The following FBXW2 variants were observed in gnomAD, a reference collection of about 807,000 sequenced individuals.
FBXW2 encodes the protein F-box/WD repeat-containing protein 2.
A neutral mutation model predicts 46.0 loss-of-function variants in FBXW2; 12 were observed. The observed-to-expected ratio is 0.26, with a 90% CI of 0.17 to 0.42. The LOEUF is 0.42. Among genes scored for constraint, FBXW2 ranks in the 10% least tolerant of loss-of-function variants. FBXW2 has a pLI of 1.00. For synonymous variants in FBXW2, 203 were observed against 209.6 expected, an observed-to-expected ratio of 0.97 and a Z score of 0.27; for missense variants, 360 against 537.0, an observed-to-expected ratio of 0.67 and a Z score of 3.26.
chr9:120,789,252 A>T (rs1321928326), intron 2 of FBXW2, among the ~76,000 whole-genome samples: 1 of 152,230 alleles, frequency 6.6e-6, no homozygotes, highest in Non-Finnish European at 1.5e-5. Flanking sequence ...CTCTAAAATA[A>T]GTGACAACCA....
chr9:120,758,300 G>C lies in FBXW2; in HGVS notation c.*6259C>G, dbSNP rs772899293. 1.3e-5 allele frequency: 2 copies of C among 152,146 alleles called. No individual in the cohort carries two copies. The highest frequency in any genetic ancestry group is 2.9e-5 in the Non-Finnish European group (2 of 68,030). 9.4% of individuals were successfully genotyped at this position (152,146 alleles called of 1,614,324 possible). A position where few individuals can be genotyped will look rare whatever the true frequency, so the allele number is the denominator to read the frequency against. ...GAAAGGAACATCAAGAACTTTCCAC[G>C]AGGATGGGAGATTAACACCCAAAGC... On this transcript the variant is annotated 3_prime_UTR_variant, in exon 8 of 8. Transcript: ENST00000608872.
rs904384934 is a variant in FBXW2, at chr9:120,761,071, C to A, written c.*3488G>T. The stretch of plus-strand genomic sequence containing the variant: ...CAATTGCATGCACCTTCCTGCAGAA[C>A]TTCTTCCAAGTCCAGTCCTTCCACT... On this transcript the variant is annotated 3_prime_UTR_variant, in exon 8 of 8. Coordinates refer to ENST00000608872, the MANE Select transcript of FBXW2 (RefSeq NM_012164.4). The A allele has an allele frequency of 6.6e-6, 1 of 152,234 alleles. No homozygotes were observed. The highest frequency in any genetic ancestry group is 2.4e-5 in the African/African-American group (1 of 41,464). 9.4% of individuals were successfully genotyped at this position (152,234 alleles called of 1,614,324 possible).
chr9:120,788,229 A>T lies in FBXW2; in HGVS notation c.30T>A (p.Leu10=), dbSNP rs1379791084. Reference sequence around the variant, plus strand: ...AAAGAAATGTAACAGAAATGTTATCAAGCCATGTCTCAAAGTCCTTTCTCT... The same window carrying T: ...AAAGAAATGTAACAGAAATGTTATCTAGCCATGTCTCAAAGTCCTTTCTCT... The part of the protein sequence containing the change: MERKDFETW[L]DNISVTFLSL... Residue 10 remains leucine, a synonymous_variant, in exon 3 of 8, where the codon CTT becomes CTA. Coordinates refer to ENST00000608872, the MANE Select transcript of FBXW2 (RefSeq NM_012164.4). 1 of 1,613,936 alleles carries T rather than the reference A, an allele frequency of 6.2e-7. No homozygotes were observed. Among genetic ancestry groups the T allele is most frequent in the Non-Finnish European group, 8.5e-7 (1 of 1,180,044 alleles).
rs1454871765 is a variant in FBXW2, at chr9:120,778,376, C to T, written c.660G>A (p.Gln220=). 2 of 1,612,630 alleles carry T rather than the reference C, an allele frequency of 1.2e-6. No homozygotes were observed. Among genetic ancestry groups the T allele is most frequent in the African/African-American group, 2.7e-5 (2 of 74,884 alleles). Residue 220 remains glutamine, a synonymous_variant, in exon 4 of 8, where the codon CAG becomes CAA. Coordinates refer to ENST00000608872, the MANE Select transcript of FBXW2 (RefSeq NM_012164.4). ...CCGCCCCCGTGTGCCCCCGAAAGTGCTGGGTCCTGGCTCCGGAACTCCATT... is the reference window on the plus strand; with the variant it reads ...CCGCCCCCGTGTGCCCCCGAAAGTGTTGGGTCCTGGCTCCGGAACTCCATT... ...CWEWSSGART[Q]HFRGHTGAVF... is the part of the protein sequence containing the mutation.
rs1000319516 is a variant in FBXW2, at chr9:120,763,230, C to T, written c.*1329G>A. ...TAACTGCCCTATTAGATCAACTTTCCAGGGGACAGCACAATCCTCCCCAGA... is the reference window on the plus strand; with the variant it reads ...TAACTGCCCTATTAGATCAACTTTCTAGGGGACAGCACAATCCTCCCCAGA... On this transcript the variant is annotated 3_prime_UTR_variant, in exon 8 of 8. Transcript: ENST00000608872. 1.3e-5 allele frequency: 2 copies of T among 152,168 alleles called. No individual in the cohort carries two copies. The highest frequency in any genetic ancestry group is 4.8e-5 in the African/African-American group (2 of 41,432). The allele number at this position is 152,168 out of a possible 1,614,324, so 9.4% of individuals were successfully genotyped here.
chr9:120,761,330 T>G lies in FBXW2; in HGVS notation c.*3229A>C, dbSNP rs2044194167. On this transcript the variant is annotated 3_prime_UTR_variant, in exon 8 of 8. Coordinates refer to ENST00000608872, the MANE Select transcript of FBXW2 (RefSeq NM_012164.4). ...ATGAACCTGAAAGAAGCCGCTGGCT[T>G]CCACCACACCACAGTGTCACCCAAG... The G allele has an allele frequency of 6.6e-6, 1 of 152,200 alleles. No individual in the cohort carries two copies. Among genetic ancestry groups the G allele is most frequent in the Admixed American group, 6.5e-5 (1 of 15,282 alleles). 9.4% of individuals were successfully genotyped at this position (152,200 alleles called of 1,614,324 possible).
rs2044203792 is a variant in FBXW2, at chr9:120,762,057, C to T, written c.*2502G>A. The T allele has an allele frequency of 6.6e-6, 1 of 152,322 alleles. No individual in the cohort carries two copies. The highest frequency in any genetic ancestry group is 1.9e-4 in the East Asian group (1 of 5,186). The allele number at this position is 152,322 out of a possible 1,614,324, so 9.4% of individuals were successfully genotyped here. On this transcript the variant is annotated 3_prime_UTR_variant, in exon 8 of 8. Transcript: ENST00000608872. ...TCAGGCTCGATAAAAAGTAAAAACT[C>T]GGCCAGGCGTGGTGGCTCACGCCTG...
chr9:120,764,500 T>TGCACCCAAAACCCGCAGCCCCG lies in FBXW2; in HGVS notation c.*37_*58dup. On this transcript the variant is annotated 3_prime_UTR_variant, in exon 8 of 8. Transcript: ENST00000608872. Reference sequence around the variant, plus strand: ...TCATGCAGTCGGCTGCCGCAGAGGTTGCACCCAAAACCCGCAGCCCCGGCA... The same window carrying TGCACCCAAAACCCGCAGCCCCG: ...TCATGCAGTCGGCTGCCGCAGAGGTTGCACCCAAAACCCGCAGCCCCGGCACCCAAAACCCGCAGCCCCGGCA... 4.5e-6 allele frequency: 7 copies of TGCACCCAAAACCCGCAGCCCCG among 1,561,206 alleles called. No individual in the cohort carries two copies. The highest frequency in any genetic ancestry group is 6.1e-6 in the Non-Finnish European group (7 of 1,144,618).
chr9:120,775,417 T>C (rs575018758), intron 5 of FBXW2, among the ~76,000 whole-genome samples: 1 of 152,202 alleles, frequency 6.6e-6, no homozygotes, highest in Non-Finnish European at 1.5e-5. Flanking sequence ...TATTTACCCA[T>C]GAAATTGTTT....
At chr9:120,765,077 AGGT>A in intron 7 of FBXW2, among the ~76,000 whole-genome samples, 1 of 151,744 alleles carries the variant, frequency 6.6e-6, no homozygotes, top group East Asian at 1.9e-4. Flanking sequence ...TGGAAGGGAA[AGGT>A]GGTGTTTGAT....
chr9:120,773,308 A>T (rs2044420523), intron 5 of FBXW2, among the ~76,000 whole-genome samples: 1 of 152,340 alleles, frequency 6.6e-6, no homozygotes, highest in South Asian at 2.1e-4. Flanking sequence ...GGAACAGAAA[A>T]GAAAAAAGCC....
chr9:120,774,676 G>A (rs1421918012), intron 5 of FBXW2, among the ~76,000 whole-genome samples: 1 of 152,252 alleles, frequency 6.6e-6, no homozygotes, highest in East Asian at 1.9e-4. Context: ...AGCCTAAATG[G>A]TCACCCTGTA....
At chr9:120,768,909 A>T (rs888447048) in intron 7 of FBXW2, among the ~76,000 whole-genome samples, 1 of 152,198 alleles carries the variant, frequency 6.6e-6, no homozygotes, top group African/African-American at 2.4e-5. Context: ...ACAGAACACA[A>T]AAAATAGGTG....
chr9:120,778,662 CT>C, intron 3 of FBXW2, 117 bp from the exon 4 acceptor site: 1 of 843,302 alleles, frequency 1.2e-6, no homozygotes, highest in Non-Finnish European at 1.8e-6. Context: ...TAGCACTTTA[CT>C]TTACCACTGA....
Position 120,759,923 on chromosome 9 carries a change from A to G in FBXW2, c.*4636T>C, listed in dbSNP as rs1381241309. The G allele has an allele frequency of 6.6e-6, 1 of 152,258 alleles. No homozygotes were observed. The highest frequency in any genetic ancestry group is 1.5e-5 in the Non-Finnish European group (1 of 68,050). The allele number at this position is 152,258 out of a possible 1,614,324, so 9.4% of individuals were successfully genotyped here. A position where few individuals can be genotyped will look rare whatever the true frequency, so the allele number is the denominator to read the frequency against. On this transcript the variant is annotated 3_prime_UTR_variant, in exon 8 of 8. Coordinates refer to ENST00000608872, the MANE Select transcript of FBXW2 (RefSeq NM_012164.4). ...CTGATTAGGCTGATGGGAATGGTGC[A>G]AAGACTACTCAGTAATCCATTTGAG...
rs1181201333 is a variant in FBXW2, at chr9:120,758,136, A to G, written c.*6423T>C. On this transcript the variant is annotated 3_prime_UTR_variant, in exon 8 of 8. Transcript: ENST00000608872. ...AGTTGTCTACTGCAAAAGGTACAAC[A>G]GTATTTATTGCTAAATGAACTGCAC... is the stretch of plus-strand genomic sequence containing the variant. 1.3e-5 allele frequency: 2 copies of G among 152,220 alleles called. No individual in the cohort carries two copies. Among genetic ancestry groups the G allele is most frequent in the Non-Finnish European group, 2.9e-5 (2 of 68,030 alleles). 9.4% of individuals were successfully genotyped at this position (152,220 alleles called of 1,614,324 possible). A position where few individuals can be genotyped will look rare whatever the true frequency, so the allele number is the denominator to read the frequency against.
At chr9:120,781,675 C>CACACACACACACACACACACACACAT (rs761941263) in intron 3 of FBXW2, among the ~76,000 whole-genome samples, 1 of 146,226 alleles carries the variant, frequency 6.8e-6, no homozygotes, top group South Asian at 2.2e-4. Context: ...CACACACACA[C>CACACACACACACACACACACACACAT]ATACACACAC....
chr9:120,776,241 TAC>T lies in FBXW2; in HGVS notation c.686-17_686-16del, dbSNP rs1564455888. On this transcript the variant is annotated splice_polypyrimidine_tract_variant and intron_variant, in intron 4 of 7. Transcript: ENST00000608872. ...CACGCTAAATACTAGTGCATATAATTACACAAAGTTAAAACATGTCTCTGTCA... is the reference window on the plus strand; with the variant it reads ...CACGCTAAATACTAGTGCATATAATTACAAAGTTAAAACATGTCTCTGTCA... 2.5e-6 allele frequency: 4 copies of T among 1,610,952 alleles called. No homozygotes were observed. Among genetic ancestry groups the T allele is most frequent in the Admixed American group, 1.7e-5 (1 of 59,254 alleles).
intron 2 of FBXW2, among the ~76,000 whole-genome samples, chr9:120,791,182 G>T (rs1036855370): frequency 6.6e-6 from 1 of 152,204 alleles, no homozygotes; most frequent in African/African-American, 2.4e-5. Flanking sequence ...CTTTTAGGCA[G>T]CCTCTAGAAA....
Sources: allele counts gnomAD v4.1 joint callset (sites outside exome capture counted in the v4.1 genomes callset), GRCh38; gene constraint gnomAD v4.1.1; transcripts MANE v1.5; gene names NCBI Gene and HGNC (gene_info 2026-07-23, HGNC 2026-07-21).